The following SP140 variants were observed in gnomAD, a reference collection of about 807,000 sequenced individuals.
The protein encoded by SP140 is SP140 nuclear body protein.
A neutral mutation model predicts 125.0 loss-of-function variants in SP140; 81 were observed. The observed-to-expected ratio is 0.65, with a 90% confidence interval of 0.54 to 0.78. The LOEUF is 0.78. Ranked by LOEUF, SP140 falls within the 30% of genes least tolerant of loss-of-function variation. SP140 has a pLI of 0.00. For missense variants in SP140, 858 were observed against 1,037.0 expected (o/e 0.83, Z 2.37); for synonymous variants, 312 against 354.0 (o/e 0.88, Z 1.33).
At chr2:230,200,733 A>G (rs1468976337), upstream of SP140, 2 of 680,906 alleles carry the variant, frequency 2.9e-6, no homozygotes, top group Non-Finnish European at 5.3e-6. Flanking sequence ...TATCATGGGA[A>G]GGGTCTTGAT....
downstream of SP140, among the ~76,000 whole-genome samples, chr2:230,316,469 G>A (rs1265282537): frequency 6.6e-6 from 1 of 152,148 alleles, no homozygotes; most frequent in Non-Finnish European, 1.5e-5. Context: ...GAGTAGGGAG[G>A]CAGTGGGTAT....
chr2:230,314,161 G>C (rs730010), downstream of SP140, among the ~76,000 whole-genome samples: 1 of 151,958 alleles, frequency 6.6e-6, no homozygotes, highest in Admixed American at 6.5e-5. Flanking sequence ...TCTAGATAGA[G>C]GTACCTGAGA....
At chr2:230,186,219 T>C in the SP140 span, 2 of 1,367,150 alleles carry the variant, frequency 1.5e-6, no homozygotes, top group South Asian at 1.2e-5. Flanking sequence ...TCAGGAGTTA[T>C]CTTGCCATTT....
At chr2:230,253,443 A>G (rs1389416481) in intron 11 of SP140, 26 bp downstream of exon 11, 2 of 1,521,856 alleles carry the variant, frequency 1.3e-6, no homozygotes, top group Non-Finnish European at 1.8e-6. Context: ...ATTTTTAGGT[A>G]TTTGAGTACA....
intron 1 of SP140, among the ~76,000 whole-genome samples, chr2:230,234,481 C>T (rs1327364476): frequency 6.6e-6 from 1 of 152,150 alleles, no homozygotes; most frequent in African/African-American, 2.4e-5. Context: ...ATTGATTCTG[C>T]CCTCATACGT....
intron 8 of SP140, 69 bp downstream of exon 8, chr2:230,248,134 C>T: frequency 4.7e-6 from 7 of 1,499,632 alleles, no homozygotes; most frequent in Non-Finnish European, 6.4e-6. Context: ...GGTGGGAGAC[C>T]AGGTGGGCAA....
At chr2:230,271,558 A>G (rs534150493) in intron 15 of SP140, among the ~76,000 whole-genome samples, 3 of 152,340 alleles carry the variant, frequency 2.0e-5, no homozygotes, top group African/African-American at 4.8e-5. Context: ...CCTCCTTATT[A>G]TATAGTGGTC....
rs769575296 is a variant in SP140, at chr2:230,292,665, A to G, written c.1845A>G (p.Ile615Met). The G allele has an allele frequency of 9.3e-6, 15 of 1,614,106 alleles. No individual in the cohort carries two copies. The highest frequency in any genetic ancestry group is 1.3e-5 in the African/African-American group (1 of 74,936). ...TTACAGGAATCTTGGTGAAGTGTAT[A>G]CAGACTGAGGATGGAAAATGGTTCA... ...KLQQGILVKC[I>M]QTEDGKWFTP... The change falls in exon 20 of 27, where the codon ATA becomes ATG. Residue 615 changes from isoleucine to methionine, a missense_variant. By Grantham distance (10) the Ile-to-Met change is conservative (BLOSUM62 1). Coordinates refer to ENST00000392045, the MANE Select transcript of SP140 (RefSeq NM_007237.5).
At chr2:230,221,552 A>G (rs1426701771), upstream of SP140, among the ~76,000 whole-genome samples, 3 of 152,254 alleles carry the variant, frequency 2.0e-5, no homozygotes, top group East Asian at 1.9e-4. Flanking sequence ...AAACAGAGGC[A>G]TGGAAGCCAC....
intron 26 of SP140, 104 bp from the exon 27 acceptor site, chr2:230,312,477 TTACAG>T (rs972796225): frequency 1.5e-4 from 104 of 687,144 alleles, no homozygotes; most frequent in Middle Eastern, 6.8e-4. Context: ...AATTGTAGAC[TTACAG>T]TACTTTTTTT....
chr2:230,208,280 C>A (rs1375915310), intron 1 of SP140, among the ~76,000 whole-genome samples: 1 of 152,088 alleles, frequency 6.6e-6, no homozygotes, highest in Non-Finnish European at 1.5e-5. Context: ...TTAGGTAGCT[C>A]ATTTCTAGAA....
intron 3 of SP140, among the ~76,000 whole-genome samples, chr2:230,219,343 G>A (rs1470532989): frequency 6.6e-6 from 1 of 152,220 alleles, no homozygotes; most frequent in African/African-American, 2.4e-5. Context: ...CACTGTGAGT[G>A]GGAAGGTCAA....
At chr2:230,295,561 A>G (rs1490816502) in intron 21 of SP140, among the ~76,000 whole-genome samples, 1 of 152,174 alleles carries the variant, frequency 6.6e-6, no homozygotes, top group Non-Finnish European at 1.5e-5. Context: ...AGTTGCCTCT[A>G]TATGTTGTGT....
chr2:230,308,480 G>C (rs915595090), intron 22 of SP140, among the ~76,000 whole-genome samples: 3 of 152,232 alleles, frequency 2.0e-5, no homozygotes, highest in Admixed American at 6.5e-5. Context: ...GGAACACACA[G>C]CATCTGACAC....
intron 1 of SP140, chr2:230,212,715 C>T (rs759640629): frequency 1.2e-6 from 2 of 1,611,976 alleles, no homozygotes; most frequent in African/African-American, 1.3e-5. Context: ...GGCACAGGCA[C>T]CTTAGGCTGA....
At chr2:230,246,111 GTCCA>G (rs2049410170) in intron 7 of SP140, among the ~76,000 whole-genome samples, 171 bp downstream of exon 7, 1 of 151,552 alleles carries the variant, frequency 6.6e-6, no homozygotes, top group South Asian at 2.1e-4. Flanking sequence ...ATATTCATCT[GTCCA>G]TCCATCCATC....
At chr2:230,267,275 T>A (rs997893855) in intron 12 of SP140, among the ~76,000 whole-genome samples, 4 of 152,222 alleles carry the variant, frequency 2.6e-5, no homozygotes, top group Admixed American at 2.6e-4. Context: ...ATCCGTAGTG[T>A]AGGTATACTA....
chr2:230,223,097 C>T (rs975352626), upstream of SP140, among the ~76,000 whole-genome samples: 4 of 149,818 alleles, frequency 2.7e-5, no homozygotes, highest in East Asian at 5.8e-4. Flanking sequence ...AGTGCTGTGG[C>T]GCAATCTTGG....
rs1044470177 is a variant in SP140 at position 230,230,035 on chromosome 2, C to T, written c.59+4132C>T. Among the ~76,000 whole-genome samples the T allele has an allele frequency of 1.7e-4, 26 of 152,120 alleles. No homozygotes were observed. The East Asian group carries it at 5.0e-3, about 29-fold the overall frequency. ...ATTGTAATTGCCAAACTAGACTCTTCTTGTCCATTGCCCAGAAAAGCCACA... is the reference window on the plus strand; with the variant it reads ...ATTGTAATTGCCAAACTAGACTCTTTTTGTCCATTGCCCAGAAAAGCCACA... On this transcript the variant is annotated intron_variant, in intron 1 of 26. Transcript: ENST00000392045.
Sources: allele counts gnomAD v4.1 joint callset (sites outside exome capture counted in the v4.1 genomes callset), GRCh38; gene constraint gnomAD v4.1.1; transcripts MANE v1.5; gene names NCBI Gene and HGNC (gene_info 2026-07-23, HGNC 2026-07-21).